The following CAMTA1 variants were observed in gnomAD, a reference collection of about 807,000 sequenced individuals.
CAMTA1 encodes calmodulin-binding transcription activator 1.
A neutral mutation model predicts 170.9 loss-of-function variants in CAMTA1; 27 were observed. The observed-to-expected ratio is 0.16, with a 90% confidence interval of 0.12 to 0.22. CAMTA1 has a LOEUF of 0.22. Ranked by LOEUF, CAMTA1 falls within the 10% of genes least tolerant of loss-of-function variation. The pLI is 1.00. For synonymous variants in CAMTA1, 833 were observed against 891.5 expected, an observed-to-expected ratio of 0.93 and a Z score of 1.17; for missense variants, 1,619 against 2,217.2, an observed-to-expected ratio of 0.73 and a Z score of 5.42.
intron 3 of CAMTA1, among the ~76,000 whole-genome samples, chr1:6,905,922 C>G (rs886787898): frequency 2.6e-5 from 4 of 152,100 alleles, no homozygotes; most frequent in Non-Finnish European, 4.4e-5. Flanking sequence ...TGGAGTGGCT[C>G]CTGCTGCTGG....
At chr1:7,486,974 C>T (rs1240305336) in intron 6 of CAMTA1, among the ~76,000 whole-genome samples, 2 of 152,182 alleles carry the variant, frequency 1.3e-5, no homozygotes, top group Non-Finnish European at 1.5e-5. Flanking sequence ...TCAGCTTCCT[C>T]ACCTGTACAA....
chr1:7,706,886 C>CTTTTTTTTT (rs139511207), intron 11 of CAMTA1, among the ~76,000 whole-genome samples: 1 of 132,222 alleles, frequency 7.6e-6, no homozygotes, highest in Non-Finnish European at 1.6e-5. Context: ...TCAGGCTATT[C>CTTTTTTTTT]TTTTTTTTTT....
rs1661179593 is a variant in CAMTA1 at position 7,223,459 on chromosome 1, C to A, written c.303-26032C>A. 3.9e-5 allele frequency among the ~76,000 whole-genome samples: 6 copies of A among 151,980 alleles called. No individual in the cohort carries two copies. In the South Asian group the frequency reaches 1.2e-3, roughly 32 times the overall value. ...AGTCTTGAGAAATGGATACTAGGGT[C>A]ACCTAACAGGGTCCTGAGGGGTCAG... is the stretch of plus-strand genomic sequence containing the variant. On this transcript the variant is annotated intron_variant, in intron 4 of 22. Transcript: ENST00000303635.
At chr1:7,103,575 T>C (rs951127630) in intron 4 of CAMTA1, among the ~76,000 whole-genome samples, 2 of 121,694 alleles carry the variant, frequency 1.6e-5, no homozygotes, top group Non-Finnish European at 1.7e-5. Flanking sequence ...ACAACACAAC[T>C]ACACACATGT....
At chr1:7,398,193 C>CTATATATATATATATATATA (rs3034829) in intron 5 of CAMTA1, among the ~76,000 whole-genome samples, 6 of 16,898 alleles carry the variant, frequency 3.6e-4, no homozygotes, top group Non-Finnish European at 4.4e-4. Flanking sequence ...CTCTCTCTCT[C>CTATATATATATATATATATA]TATATATATA....
intron 5 of CAMTA1, among the ~76,000 whole-genome samples, chr1:7,329,434 G>A (rs2082885858): frequency 6.6e-6 from 1 of 152,166 alleles, no homozygotes; most frequent in African/African-American, 2.4e-5. Flanking sequence ...AGAACCAAGA[G>A]ATTCTAAAAT....
intron 6 of CAMTA1, among the ~76,000 whole-genome samples, chr1:7,551,189 C>T (rs1182755155): frequency 6.6e-6 from 1 of 152,052 alleles, no homozygotes. Context: ...GCTTCCCTGC[C>T]CAGAGGGGAG....
intron 4 of CAMTA1, among the ~76,000 whole-genome samples, chr1:7,207,183 A>G (rs2149046145): frequency 6.6e-6 from 1 of 152,278 alleles, no homozygotes; most frequent in South Asian, 2.1e-4. Flanking sequence ...CTTGTACCTG[A>G]CACTTTACTA....
At chr1:6,786,165 C>T (rs904069244) in intron 1 of CAMTA1, among the ~76,000 whole-genome samples, 1 of 151,930 alleles carries the variant, frequency 6.6e-6, no homozygotes, top group Non-Finnish European at 1.5e-5. Flanking sequence ...CCTGAGCGGG[C>T]GGGGGGTCCC....
Position 7,040,639 on chromosome 1 carries a change from A to G in CAMTA1, c.235-50665A>G, listed in dbSNP as rs188448514. Among the ~76,000 whole-genome samples the G allele has an allele frequency of 1.5e-3, 226 of 151,924 alleles. 3 individuals carry two copies. The highest frequency in any genetic ancestry group is 5.2e-3 in the African/African-American group (214 of 41,414). On this transcript the variant is annotated intron_variant, in intron 3 of 22. Coordinates refer to ENST00000303635, the MANE Select transcript of CAMTA1 (RefSeq NM_015215.4). ...TCAGGGGTCATCTTTTCACCTTGAC[A>G]TGTGCAAGGTCATGACCACAGCCAG... is the stretch of plus-strand genomic sequence containing the variant.
intron 3 of CAMTA1, among the ~76,000 whole-genome samples, chr1:7,024,066 C>G (rs4908437): frequency 0.6 from 81,579 of 136,618 alleles, 25,612 homozygotes; most frequent in African/African-American, 0.82. Context: ...AAGAAAGAAA[C>G]AAATAGTTAA....
chr1:7,327,851 TCA>T (rs1423225308), intron 5 of CAMTA1, among the ~76,000 whole-genome samples: 8 of 152,214 alleles, frequency 5.3e-5, no homozygotes, highest in African/African-American at 1.9e-4. Context: ...AAGTGAACTC[TCA>T]GGTTTTGTTT....
chr1:7,728,314 C>T (rs1361202407), intron 11 of CAMTA1, among the ~76,000 whole-genome samples: 1 of 152,220 alleles, frequency 6.6e-6, no homozygotes, highest in African/African-American at 2.4e-5. Flanking sequence ...ACAGCTGATG[C>T]GGGGACCGCA....
intron 6 of CAMTA1, among the ~76,000 whole-genome samples, chr1:7,632,368 G>A (rs2095676540): frequency 6.6e-6 from 1 of 152,086 alleles, no homozygotes; most frequent in Non-Finnish European, 1.5e-5. Context: ...TGACTTTCTG[G>A]GTAATGTATA....
At position 7,635,867 on chromosome 1, in the gene CAMTA1, A is replaced by C. The variant is rs149896498; in HGVS notation, c.511-4533A>C. ...ATAAAATGTACAACTAATGAATAAA[A>C]TTGCAACATTGCCAAGAAGCGATGT... On this transcript the variant is annotated intron_variant, in intron 6 of 22. Coordinates refer to ENST00000303635, the MANE Select transcript of CAMTA1 (RefSeq NM_015215.4). This position sits in a 1 kb window ranked among gnomAD's most constrained non-coding sequence, Gnocchi z 4.4. 2.6e-5 allele frequency among the ~76,000 whole-genome samples: 4 copies of C among 152,356 alleles called. No individual in the cohort carries two copies. The East Asian group carries it at 7.7e-4, about 29-fold the overall frequency.
At chr1:7,513,280 C>T (rs952225349) in intron 6 of CAMTA1, among the ~76,000 whole-genome samples, 20 of 152,102 alleles carry the variant, frequency 1.3e-4, no homozygotes, top group Non-Finnish European at 2.9e-4. Flanking sequence ...CAGGCTGACT[C>T]GTGGTCTTGC....
chr1:7,415,975 C>T (rs1393526470), intron 5 of CAMTA1, among the ~76,000 whole-genome samples: 2 of 152,132 alleles, frequency 1.3e-5, no homozygotes, highest in African/African-American at 4.8e-5. Context: ...AATCTCTCAG[C>T]GTTTGCTTGT....
intron 5 of CAMTA1, among the ~76,000 whole-genome samples, chr1:7,323,507 C>CTTTTTTTTTTTT (rs56382342): frequency 5.9e-4 from 64 of 108,980 alleles, no homozygotes; most frequent in Admixed American, 8.3e-4. Flanking sequence ...CTTTATTCTT[C>CTTTTTTTTTTTT]TTTTTTTTTT....
intron 5 of CAMTA1, among the ~76,000 whole-genome samples, chr1:7,357,697 T>C (rs886968113): frequency 1.4e-4 from 22 of 152,086 alleles, no homozygotes; most frequent in Non-Finnish European, 2.6e-4. Context: ...TTTATTATTA[T>C]TTTTATACAG....
Sources: gnomAD v4.1 joint callset for allele counts (sites outside exome capture counted in the v4.1 genomes callset) on GRCh38, gnomAD v4.1.1 for gene constraint, Gnocchi (gnomAD v3.1) non-coding constraint, MANE v1.5 for transcripts, NCBI Gene and HGNC (gene_info 2026-07-23, HGNC 2026-07-21) for gene names.